The following SYTL2 variants were observed in gnomAD, a reference collection of about 807,000 sequenced individuals.
SYTL2 encodes the protein synaptotagmin like 2, also known as synaptotagmin-like protein 2.
In SYTL2, 165 loss-of-function variants were observed where a neutral mutation model predicts 198.7. The ratio of observed to expected loss-of-function variants is 0.83; its 90% CI spans 0.73 to 0.94. SYTL2 has a LOEUF of 0.94. SYTL2 is among the 40% of genes least tolerant of loss of function. The probability of loss-of-function intolerance (pLI) is 0.00; values close to 1 mark genes in which losing one functional copy is unlikely to be tolerated. For synonymous variants in SYTL2, 966 were observed against 917.7 expected (o/e 1.05, Z -0.95); for missense variants, 2,835 against 2,582.8 (o/e 1.10, Z -2.12).
chr11:85,799,501 A>G (rs1422229840), intron 1 of SYTL2, among the ~76,000 whole-genome samples: 1 of 152,186 alleles, frequency 6.6e-6, no homozygotes, highest in African/African-American at 2.4e-5. Context: ...GCTCAACAAA[A>G]GGGACTAAAA....
chr11:85,818,656 ACTATCTAT>A, the SYTL2 span, among the ~76,000 whole-genome samples: 11 of 149,110 alleles, frequency 7.4e-5, no homozygotes, highest in South Asian at 2.1e-4. Context: ...TGTATAAATT[ACTATCTAT>A]CTATCTATCT....
the SYTL2 span, among the ~76,000 whole-genome samples, chr11:85,825,831 C>G: frequency 6.6e-6 from 1 of 152,162 alleles, no homozygotes; most frequent in Non-Finnish European, 1.5e-5. Flanking sequence ...AAGACTGTTT[C>G]CTTATGTATA....
the SYTL2 span, among the ~76,000 whole-genome samples, chr11:85,823,792 G>C: frequency 6.6e-6 from 1 of 152,094 alleles, no homozygotes. Context: ...ATTTTACTCC[G>C]GGTTACTTCT....
At position 85,734,532 on chromosome 11, in the gene SYTL2, G is replaced by A. The variant is rs774622852; in HGVS notation, c.797C>T (p.Ala266Val). 6.1e-5 allele frequency: 98 copies of A among 1,614,062 alleles called. No homozygotes were observed. Among genetic ancestry groups the A allele is most frequent in the Non-Finnish European group, 7.2e-5 (85 of 1,180,018 alleles). Residue 266 changes from alanine to valine, a missense_variant, in exon 7 of 20, where the codon GCG (alanine) becomes GTG (valine). Physicochemically the swap from Ala to Val is moderately conservative, Grantham distance 64. Around this residue, in one of 3 missense-constraint regions of SYTL2, gnomAD observed 2,645 missense variants for 2,381.7 expected, o/e 1.11. Coordinates refer to ENST00000359152, the MANE Select transcript of SYTL2 (RefSeq NM_206927.4). Reference protein sequence around the residue: ...FPRQRTDSLKARGAPRGILKR... With the variant: ...FPRQRTDSLKVRGAPRGILKR... ...GAGGATCCCTCTCGGAGCCCCTCTC[G>A]CTTTCAGGGAGTCTGTCCTTTGTCT...
chr11:85,726,534 G>A lies in SYTL2; in HGVS notation c.2824C>T (p.His942Tyr). The A allele has an allele frequency of 6.2e-7, 1 of 1,602,112 alleles. No individual in the cohort carries two copies. The highest frequency in any genetic ancestry group is 8.5e-7 in the Non-Finnish European group (1 of 1,179,536). ...QPPSNVGSER[H>Y]APLEKDRPLV... ...GGTCTGTCTTTCTCCAATGGAGCAT[G>A]TCGTTCACTCCCGACATTTGAGGGA... The change falls in exon 8 of 20, where the codon CAT becomes TAT. Residue 942 changes from histidine to tyrosine, a missense_variant. Transcript: ENST00000359152.
At chr11:85,732,315 C>A (rs1287362597) in intron 7 of SYTL2, among the ~76,000 whole-genome samples, 1 of 152,152 alleles carries the variant, frequency 6.6e-6, no homozygotes, top group African/African-American at 2.4e-5. Context: ...CAGCACTGTT[C>A]ACAACAGCAG....
At chr11:85,758,809 G>C (rs2091993865) in intron 1 of SYTL2, among the ~76,000 whole-genome samples, 1 of 152,180 alleles carries the variant, frequency 6.6e-6, no homozygotes, top group Non-Finnish European at 1.5e-5. Flanking sequence ...TTTCTTTGAG[G>C]CATCTTCAAT....
At chr11:85,791,166 CAAAAAA>C (rs568061365) in intron 1 of SYTL2, among the ~76,000 whole-genome samples, 2 of 39,514 alleles carry the variant, frequency 5.1e-5, no homozygotes, top group South Asian at 1.9e-3. Flanking sequence ...GAGTCTGCCT[CAAAAAA>C]AAAAAAAAAA....
Position 85,727,954 on chromosome 11 carries a change from A to G in SYTL2, c.1404T>C (p.His468=), listed in dbSNP as rs753747258. ...CCTGAGATGGCTCAGGCTCAACACA[A>G]TGAGACAGTTCATCTGCAACATAGA... ...LPRSPADELS[H]CVEPEPSQVP... The change falls in exon 8 of 20, where the codon CAT becomes CAC. Residue 468 remains histidine (H), a synonymous_variant. Coordinates refer to ENST00000359152, the MANE Select transcript of SYTL2 (RefSeq NM_206927.4). 6.3e-7 allele frequency: 1 copy of G among 1,594,288 alleles called. No individual in the cohort carries two copies. Among genetic ancestry groups the G allele is most frequent in the South Asian group, 1.1e-5 (1 of 87,422 alleles).
rs775261714 is a variant in SYTL2, at chr11:85,724,459, G to A, written c.4899C>T (p.Asn1633=). The change falls in exon 8 of 20, where the codon AAC becomes AAT. Residue 1633 remains asparagine (N), a synonymous_variant. Coordinates refer to ENST00000359152, the MANE Select transcript of SYTL2 (RefSeq NM_206927.4). ...DKSNGLESQV[N]QCDKMLGGDA... is the part of the protein sequence containing the mutation. ...CTCCTCCCAACATTTTATCACATTG[G>A]TTGACTTGAGATTCCAAACCATTAC... is the stretch of plus-strand genomic sequence containing the variant. The A allele has an allele frequency of 6.8e-6, 11 of 1,612,778 alleles. 1 individual carries two copies. The South Asian group carries it at 1.1e-4, about 16-fold the overall frequency.
chr11:85,836,204 T>C, the SYTL2 span, among the ~76,000 whole-genome samples: 2 of 152,196 alleles, frequency 1.3e-5, no homozygotes, highest in Non-Finnish European at 2.9e-5. Context: ...TCTCACATAG[T>C]AACCTCTTCT....
At chr11:85,850,238 G>A in the SYTL2 span, among the ~76,000 whole-genome samples, 15 of 150,486 alleles carry the variant, frequency 1.0e-4, no homozygotes, top group East Asian at 2.7e-3. Context: ...TGCAAACAGG[G>A]ACAATTTGAC....
intron 4 of SYTL2, among the ~76,000 whole-genome samples, chr11:85,743,329 T>A (rs2090935439): frequency 6.6e-6 from 1 of 152,188 alleles, no homozygotes; most frequent in African/African-American, 2.4e-5. Context: ...AAAAAATAGC[T>A]CATTCTAACT....
chr11:85,723,079 A>G (rs2088596767), intron 8 of SYTL2, among the ~76,000 whole-genome samples: 1 of 152,160 alleles, frequency 6.6e-6, no homozygotes, highest in South Asian at 2.1e-4. Flanking sequence ...ATTCTCTATC[A>G]TTTCATCATT....
chr11:85,699,214 A>G (rs1453397676), intron 17 of SYTL2, among the ~76,000 whole-genome samples: 4 of 152,246 alleles, frequency 2.6e-5, no homozygotes, highest in East Asian at 3.8e-4. Context: ...CTAGAAGATG[A>G]TATGATCAGT....
At chr11:85,785,813 C>G (rs2092627124) in intron 1 of SYTL2, among the ~76,000 whole-genome samples, 1 of 152,114 alleles carries the variant, frequency 6.6e-6, no homozygotes, top group African/African-American at 2.4e-5. Context: ...AGCACAATGC[C>G]TAGCTCAAAA....
chr11:85,726,320 G>T lies in SYTL2; in HGVS notation c.3038C>A (p.Ala1013Glu), dbSNP rs745362247. The T allele has an allele frequency of 6.2e-7, 1 of 1,614,038 alleles. No homozygotes were observed. The highest frequency in any genetic ancestry group is 8.5e-7 in the Non-Finnish European group (1 of 1,179,966). The change falls in exon 8 of 20, where the codon GCA becomes GAA. Residue 1013 changes from alanine to glutamate, a missense_variant. Physicochemically the swap from Ala to Glu is moderately radical, Grantham distance 107. This residue lies in a region of SYTL2 where 2,645 missense variants were observed against 2,381.7 expected (regional missense o/e 1.11). Transcript: ENST00000359152. ...CTTGTGTTTCTGCCTATTAAAAGGT[G>T]CAGAATTTTTTTGGCTTGTGGTGGT... Reference protein sequence around the residue: ...NITTTSQKNSAPFNRQKHKEF... With the variant: ...NITTTSQKNSEPFNRQKHKEF...
At chr11:85,719,332 G>A in intron 9 of SYTL2, 1 of 1,153,858 alleles carries the variant, frequency 8.7e-7, no homozygotes. Flanking sequence ...AATCTTGGCA[G>A]GCTAGTGTGA....
At position 85,748,433 on chromosome 11, in the gene SYTL2, G is replaced by A; in HGVS notation, c.102-10C>T. 6.2e-7 allele frequency: 1 copy of A among 1,613,268 alleles called. No homozygotes were observed. Among genetic ancestry groups the A allele is most frequent in the Non-Finnish European group, 8.5e-7 (1 of 1,179,590 alleles). On this transcript the variant is annotated splice_polypyrimidine_tract_variant and intron_variant, in intron 2 of 19. Coordinates refer to ENST00000359152, the MANE Select transcript of SYTL2 (RefSeq NM_206927.4). Reference sequence around the variant, plus strand: ...TTTTTCAGGCAAATGTCTACAAAAGGAAAAGATCTTTAGTTTGCTGAGAAC... The same window carrying A: ...TTTTTCAGGCAAATGTCTACAAAAGAAAAAGATCTTTAGTTTGCTGAGAAC...
Sources: gnomAD v4.1 joint callset for allele counts (sites outside exome capture counted in the v4.1 genomes callset) on GRCh38, gnomAD v4.1.1 for gene constraint, gnomAD v4.1.1 regional missense constraint, MANE v1.5 for transcripts, NCBI Gene and HGNC (gene_info 2026-07-23, HGNC 2026-07-21) for gene names.